LPP: variants seen among roughly 807,000 people sequenced by gnomAD.
The protein encoded by LPP is lipoma-preferred partner.
In LPP, 38 loss-of-function variants were observed where a neutral mutation model predicts 60.4. The ratio of observed to expected loss-of-function variants is 0.63; its 90% CI spans 0.49 to 0.83. The LOEUF is 0.83. Among genes scored for constraint, LPP ranks in the 40% least tolerant of loss-of-function variants. LPP has a pLI of 0.00. For missense variants in LPP, 902 were observed against 783.6 expected, an observed-to-expected ratio of 1.15 and a Z score of -1.80; for synonymous variants, 328 against 290.8, an observed-to-expected ratio of 1.13 and a Z score of -1.30.
At chr3:188,256,900 A>C (rs1389898276) in intron 2 of LPP, among the ~76,000 whole-genome samples, 1 of 152,190 alleles carries the variant, frequency 6.6e-6, no homozygotes, top group Non-Finnish European at 1.5e-5. Flanking sequence ...TCTAACTGGA[A>C]TAGGCCTCTC....
rs545440788 is a variant in LPP at position 188,284,739 on chromosome 3, C to CT, written c.-66-56923dup. ...AAACAGCTTTCATTTGATTACGGTG[C>CT]TAAGTTTAGTAATGACTGCGAGAGA... is the stretch of plus-strand genomic sequence containing the variant. On this transcript the variant is annotated intron_variant, in intron 2 of 11. Transcript: ENST00000617246. 2.2e-3 allele frequency among the ~76,000 whole-genome samples: 328 copies of CT among 152,226 alleles called. 1 individual carries two copies. Among genetic ancestry groups the CT allele is most frequent in the African/African-American group, 7.5e-3 (313 of 41,524 alleles).
At chr3:188,715,109 G>T (rs890688195) in intron 8 of LPP, among the ~76,000 whole-genome samples, 1 of 152,090 alleles carries the variant, frequency 6.6e-6, no homozygotes, top group Non-Finnish European at 1.5e-5. Flanking sequence ...AGAACAAGGG[G>T]TGGCTCATGC....
intron 2 of LPP, among the ~76,000 whole-genome samples, chr3:188,266,318 C>T (rs1462661389): frequency 5.9e-5 from 9 of 152,124 alleles, no homozygotes; most frequent in Admixed American, 2.0e-4. Context: ...TCTAGTTGAA[C>T]GCACAGAACT....
intron 9 of LPP, among the ~76,000 whole-genome samples, chr3:188,830,299 C>A (rs1209692780): frequency 4.8e-5 from 7 of 146,796 alleles, no homozygotes; most frequent in African/African-American, 1.5e-4. Context: ...AAAGAGTAAG[C>A]ACTATTTAAA....
intron 8 of LPP, among the ~76,000 whole-genome samples, chr3:188,723,495 C>A (rs1345731998): frequency 2.0e-5 from 3 of 151,992 alleles, no homozygotes; most frequent in Non-Finnish European, 4.4e-5. Context: ...GAGACTGGAC[C>A]CTCTATTGAA....
chr3:188,820,266 GGTGTTTGTGTGTGT>G (rs1367991655), intron 9 of LPP, among the ~76,000 whole-genome samples: 6 of 149,840 alleles, frequency 4.0e-5, no homozygotes, highest in East Asian at 1.9e-4. Context: ...CCTAGAAACT[GGTGTTTGTGTGTGT>G]GTGTTTGTGT....
intron 2 of LPP, among the ~76,000 whole-genome samples, chr3:188,252,780 TA>T (rs1363509175): frequency 6.6e-6 from 1 of 152,218 alleles, no homozygotes; most frequent in African/African-American, 2.4e-5. Flanking sequence ...AATTTTATTT[TA>T]TTTTTTTTGG....
chr3:188,298,945 T>A (rs1748822479), intron 2 of LPP, among the ~76,000 whole-genome samples: 1 of 152,218 alleles, frequency 6.6e-6, no homozygotes, highest in Non-Finnish European at 1.5e-5. Context: ...GGCTTCAGCC[T>A]TTTTATGAAG....
chr3:188,532,158 G>A (rs1214008593), intron 6 of LPP, among the ~76,000 whole-genome samples: 1 of 152,170 alleles, frequency 6.6e-6, no homozygotes, highest in Non-Finnish European at 1.5e-5. Flanking sequence ...TGGAATCCCA[G>A]CACTTTGGGA....
chr3:188,403,608 C>T (rs992455566), intron 3 of LPP, among the ~76,000 whole-genome samples: 1 of 151,950 alleles, frequency 6.6e-6, no homozygotes, highest in African/African-American at 2.4e-5. Flanking sequence ...GACCAAGCCT[C>T]AATTAAAAGC....
At chr3:188,812,220 T>C (rs1215597501) in intron 9 of LPP, among the ~76,000 whole-genome samples, 1 of 152,216 alleles carries the variant, frequency 6.6e-6, no homozygotes, top group Non-Finnish European at 1.5e-5. Context: ...TGGATAATTT[T>C]GGTTACTCTG....
At chr3:188,521,926 T>C (rs1362608509) in intron 5 of LPP, among the ~76,000 whole-genome samples, 2 of 152,350 alleles carry the variant, frequency 1.3e-5, no homozygotes, top group South Asian at 2.1e-4. Flanking sequence ...TCAACTTTAC[T>C]CAGTTTTTAG....
chr3:188,690,863 A>G (rs981028848), intron 7 of LPP, among the ~76,000 whole-genome samples: 1 of 152,160 alleles, frequency 6.6e-6, no homozygotes, highest in Non-Finnish European at 1.5e-5. Flanking sequence ...TAACAATATT[A>G]TGTGTAGTTT....
chr3:188,440,934 T>C (rs890205539), intron 4 of LPP, among the ~76,000 whole-genome samples: 6 of 125,384 alleles, frequency 4.8e-5, no homozygotes, highest in African/African-American at 1.8e-4. Context: ...TCCAGTGTAC[T>C]CTCTCTCCCT....
rs774310448 is a variant in LPP at position 188,609,214 on chromosome 3, C to G, written c.483C>G (p.His161Gln). The stretch of plus-strand genomic sequence containing the variant: ...CAGTTTCGACCCCAGTCACAGGACA[C>G]AAGAGAATGGTCATCCCGAACCAAC... ...SPPVSTPVTG[H>Q]KRMVIPNQPP... Residue 161 changes from histidine to glutamine, a missense_variant, in exon 7 of 12, where the codon CAC becomes CAG. Coordinates refer to ENST00000617246, the MANE Select transcript of LPP (RefSeq NM_001375462.1). The surrounding 1 kb of genome is among the most constrained non-coding windows in gnomAD (Gnocchi z 6.9). The G allele has an allele frequency of 3.7e-6, 6 of 1,613,952 alleles. No individual in the cohort carries two copies. The Admixed American group carries it at 1.0e-4, about 27-fold the overall frequency.
intron 5 of LPP, among the ~76,000 whole-genome samples, chr3:188,509,873 G>GTTTTTTTTTTTTTTTTTTT (rs35389820): frequency 9.0e-6 from 1 of 111,042 alleles, no homozygotes; most frequent in Non-Finnish European, 1.7e-5. Context: ...TTTTTTTGTT[G>GTTTTTTTTTTTTTTTTTTT]TTTTTTTTTT....
chr3:188,587,809 T>C (rs930331291), intron 6 of LPP, among the ~76,000 whole-genome samples: 2 of 152,342 alleles, frequency 1.3e-5, no homozygotes, highest in East Asian at 1.9e-4. Context: ...TATTTGTCGA[T>C]GAGCTCACTC....
At chr3:188,348,905 G>C (rs1335220838) in intron 3 of LPP, among the ~76,000 whole-genome samples, 1 of 152,174 alleles carries the variant, frequency 6.6e-6, no homozygotes, top group African/African-American at 2.4e-5. Context: ...GGGATGCTGT[G>C]AAGTCACTCC....
intron 3 of LPP, among the ~76,000 whole-genome samples, chr3:188,368,709 CACACACACACAG>C (rs1476936466): frequency 1.5e-4 from 18 of 123,342 alleles, no homozygotes; most frequent in South Asian, 1.2e-3. Flanking sequence ...CACACACACA[CACACACACACAG>C]AGAGAGAGAG....
Sources: allele counts gnomAD v4.1 joint callset (sites outside exome capture counted in the v4.1 genomes callset), GRCh38; gene constraint gnomAD v4.1.1; non-coding constraint Gnocchi (gnomAD v3.1); transcripts MANE v1.5; gene names NCBI Gene and HGNC (gene_info 2026-07-23, HGNC 2026-07-21).